RSPH10B: variants seen among roughly 807,000 people sequenced by gnomAD.
The protein encoded by RSPH10B is radial spoke head 10 homolog B (Chlamydomonas).
In RSPH10B, 7 loss-of-function variants were observed where a neutral mutation model predicts 52.5. The observed-to-expected ratio is 0.13, with a 90% confidence interval of 0.08 to 0.25. The LOEUF (loss-of-function observed/expected upper bound fraction) is 0.25, where lower values mean the gene tolerates loss of function less well. Ranked by LOEUF, RSPH10B falls within the 10% of genes least tolerant of loss-of-function variation. The pLI, the probability that RSPH10B is intolerant of heterozygous loss-of-function variation, is 1.00. For missense variants in RSPH10B, 89 were observed against 542.5 expected (o/e 0.16, Z 8.30); for synonymous variants, 28 against 193.2 (o/e 0.14, Z 7.09).
Position 5,929,420 on chromosome 7 carries a change from G to A in RSPH10B, c.2234-1026C>T, listed in dbSNP as rs1199094332. On this transcript the variant is annotated intron_variant, in intron 17 of 18. Coordinates refer to ENST00000337579, the Ensembl canonical transcript of RSPH10B. ...TGAGCTCTAGTAATCCTCCCATCTCGGCCTCCCAAAGTGCTGGGATTACAG... is the reference window on the plus strand; with the variant it reads ...TGAGCTCTAGTAATCCTCCCATCTCAGCCTCCCAAAGTGCTGGGATTACAG... Among the ~76,000 whole-genome samples the A allele has an allele frequency of 3.9e-5, 4 of 103,682 alleles. No individual in the cohort carries two copies. The Admixed American group carries it at 4.4e-4, about 11-fold the overall frequency. The allele number at this position is 103,682 out of a possible 152,430, so 68.0% of individuals were successfully genotyped here.
chr7:5,960,490 C>A lies in RSPH10B; in HGVS notation c.573+201G>T, dbSNP rs1448916181. Among the ~76,000 whole-genome samples the A allele has an allele frequency of 6.0e-5, 2 of 33,338 alleles. 1 individual carries two copies. The highest frequency in any genetic ancestry group is 2.5e-4 in the African/African-American group (2 of 8,106). 21.9% of individuals were successfully genotyped at this position (33,338 alleles called of 152,430 possible). A position where few individuals can be genotyped will look rare whatever the true frequency, so the allele number is the denominator to read the frequency against. The stretch of plus-strand genomic sequence containing the variant: ...TCAATAAACAAAAAGTGAATATGCC[C>A]TGGACAGCGCCGCTAGCCCCTACCC... On this transcript the variant is annotated intron_variant, in intron 4 of 18. Transcript: ENST00000337579.
At chr7:5,954,988 T>TAAACAAAAAAAAAAAA (rs1780697434) in intron 7 of RSPH10B, among the ~76,000 whole-genome samples, 1 of 24,170 alleles carries the variant, frequency 4.1e-5, no homozygotes, top group African/African-American at 1.6e-4. Flanking sequence ...CTGTAACTAC[T>TAAACAAAAAAAAAAAA]AAAAAAAAAA....
exon 19 of RSPH10B, chr7:5,926,270 T>TTA: frequency 1.4e-6 from 1 of 710,094 alleles, no homozygotes; most frequent in Non-Finnish European, 2.3e-6. Flanking sequence ...AAGGGGTATG[T>TTA]TAAAACACTG....
intron 17 of RSPH10B, among the ~76,000 whole-genome samples, chr7:5,929,071 T>C (rs1398497022): frequency 1.4e-5 from 2 of 146,540 alleles, no homozygotes; most frequent in Admixed American, 6.9e-5. Context: ...TGCAGTGGCA[T>C]GACCATGGCT....
chr7:5,958,344 G>GA (rs58697360), intron 5 of RSPH10B, among the ~76,000 whole-genome samples: 194 of 143,980 alleles, frequency 1.3e-3, no homozygotes, highest in African/African-American at 2.4e-3. Context: ...CATCTCAAAA[G>GA]AAAAAAAAAA....
At chr7:5,954,988 T>TAAAA (rs1185408288) in intron 7 of RSPH10B, among the ~76,000 whole-genome samples, 1 of 24,170 alleles carries the variant, frequency 4.1e-5, no homozygotes, top group African/African-American at 1.6e-4. Context: ...CTGTAACTAC[T>TAAAA]AAAAAAAAAA....
intron 13 of RSPH10B, among the ~76,000 whole-genome samples, chr7:5,941,741 TAAA>T (rs777356713): frequency 7.8e-6 from 1 of 128,234 alleles, no homozygotes; most frequent in Non-Finnish European, 1.7e-5. Context: ...AGACTTTGTC[TAAA>T]AAAAAAAAAG....
upstream of RSPH10B, among the ~76,000 whole-genome samples, chr7:5,968,759 T>C (rs1164230967): frequency 9.7e-5 from 6 of 61,778 alleles, no homozygotes; most frequent in East Asian, 5.7e-4. Flanking sequence ...CTGCCCGCCT[T>C]GGCCTCCAAA....
In RSPH10B at chr7:5,943,363, C is replaced by T. The variant is rs139011017; in HGVS notation, c.1719G>A (p.Glu573=). 958 of 1,596,394 alleles carry T rather than the reference C, an allele frequency of 6.0e-4. 1 individual carries two copies. The African/African-American group carries it at 0.012, about 20-fold the overall frequency. ...GGAAGTGTCTCATCTTCATCGTAGG[C>T]TCGTGGGGAGGCGCTGCACTGGGTC... Residue 573 remains glutamate, a synonymous_variant, in exon 13 of 19, where the codon GAG becomes GAA. Transcript: ENST00000337579.
chr7:5,927,056 G>GTGTATATATA (rs1779495594), intron 18 of RSPH10B, among the ~76,000 whole-genome samples: 2 of 78,248 alleles, frequency 2.6e-5, no homozygotes, highest in Admixed American at 1.2e-4. Context: ...TATTATGTGT[G>GTGTATATATA]TGTGTGTGTG....
At chr7:5,941,560 T>G (rs148678938) in intron 13 of RSPH10B, among the ~76,000 whole-genome samples, 1 of 149,362 alleles carries the variant, frequency 6.7e-6, no homozygotes, top group Non-Finnish European at 1.5e-5. Context: ...CTTGCTAACA[T>G]AGTGAAACCC....
At chr7:5,943,588 G>A (rs1340972886) in intron 12 of RSPH10B, 116 bp from the exon 15 acceptor site, 1 of 765,800 alleles carries the variant, frequency 1.3e-6, no homozygotes, top group Non-Finnish European at 2.1e-6. Flanking sequence ...ATGTCACCCA[G>A]GCTAGAGTGC....
At chr7:5,957,017 A>T (rs1276467733) in intron 6 of RSPH10B, among the ~76,000 whole-genome samples, 1 of 32,784 alleles carries the variant, frequency 3.1e-5, no homozygotes, top group African/African-American at 9.8e-5. Context: ...CTAAAAAAAA[A>T]AAAATTATTT....
rs1203193874 is a variant in RSPH10B at position 5,927,080 on chromosome 7, G to A, written c.2433-532C>T. Among the ~76,000 whole-genome samples, 713 of 131,192 alleles carry A rather than the reference G, an allele frequency of 5.4e-3. 1 individual carries two copies. Among genetic ancestry groups the A allele is most frequent in the African/African-American group, 0.017 (574 of 34,258 alleles). 86.1% of individuals were successfully genotyped at this position (131,192 alleles called of 152,430 possible). A position where few individuals can be genotyped will look rare whatever the true frequency, so the allele number is the denominator to read the frequency against. On this transcript the variant is annotated intron_variant, in intron 18 of 18. Coordinates refer to ENST00000337579, the Ensembl canonical transcript of RSPH10B. ...TGTGTGTGTGTGTATATGTGTGTGT[G>A]TGTGTGTGTGTGTGTGTATTTTTTT...
At chr7:5,933,629 G>A (rs1779885654) in intron 16 of RSPH10B, among the ~76,000 whole-genome samples, 1 of 133,822 alleles carries the variant, frequency 7.5e-6, no homozygotes. Flanking sequence ...GCGTGGGGGT[G>A]GGTGCCTGTA....
intron 6 of RSPH10B, among the ~76,000 whole-genome samples, chr7:5,956,679 C>T (rs1245960593): frequency 1.3e-5 from 2 of 150,860 alleles, no homozygotes; most frequent in Non-Finnish European, 3.0e-5. Context: ...AGTGATCCTC[C>T]CACCTCAGCC....
At chr7:5,965,952 A>G (rs1781092303) in intron 1 of RSPH10B, among the ~76,000 whole-genome samples, 1 of 111,828 alleles carries the variant, frequency 8.9e-6, no homozygotes, top group Non-Finnish European at 1.8e-5. Flanking sequence ...TTTGAGATGG[A>G]GTCTCACTCT....
chr7:5,942,343 C>G (rs1780237397), intron 13 of RSPH10B, among the ~76,000 whole-genome samples: 1 of 133,012 alleles, frequency 7.5e-6, no homozygotes, highest in African/African-American at 2.8e-5. Flanking sequence ...CAGCTTACTA[C>G]AGCTTCCCGA....
At chr7:5,956,750 G>A (rs1780742421) in intron 6 of RSPH10B, among the ~76,000 whole-genome samples, 1 of 137,136 alleles carries the variant, frequency 7.3e-6, no homozygotes, top group Non-Finnish European at 1.6e-5. Context: ...TATATTTTTA[G>A]TAGAGATGGG....
Sources: gnomAD v4.1 joint callset for allele counts (sites outside exome capture counted in the v4.1 genomes callset) on GRCh38, gnomAD v4.1.1 for gene constraint, MANE v1.5 for transcripts, NCBI Gene and HGNC (gene_info 2026-07-23, HGNC 2026-07-21) for gene names.